Variants in GRHPR observed in about 807,000 individuals in gnomAD.
The protein encoded by GRHPR is glyoxylate and hydroxypyruvate reductase, also known as glyoxylate reductase/hydroxypyruvate reductase.
A neutral mutation model predicts 36.8 loss-of-function variants in GRHPR; 35 were observed. The ratio of observed to expected loss-of-function variants is 0.95; its 90% confidence interval spans 0.73 to 1.26. The LOEUF is 1.26. Ranked by LOEUF, GRHPR falls within the 50% of genes most tolerant of loss-of-function variation. GRHPR has a pLI of 0.00. For synonymous variants in GRHPR, 179 were observed against 181.0 expected (o/e 0.99, Z 0.09); for missense variants, 380 against 435.0 (o/e 0.87, Z 1.12).
At chr9:37,432,585 G>A (rs928809049) in intron 8 of GRHPR, 56 of 229,376 alleles carry the variant, frequency 2.4e-4, no homozygotes, top group African/African-American at 1.2e-3. Context: ...GGCTGAGGCA[G>A]AAGAATCGCT....
At position 37,428,467 on chromosome 9, in the gene GRHPR, CCTCT is replaced by C; in HGVS notation, c.405-11_405-8del. The C allele has an allele frequency of 6.4e-7, 1 of 1,561,090 alleles. No homozygotes were observed. ...TCCAAGGCTGGGCCTCTCACCTGCC[CCTCT>C]CTCTCCCCTCAGTGGTGGCTGGACC... On this transcript the variant is annotated splice_polypyrimidine_tract_variant and intron_variant, in intron 4 of 8. Coordinates refer to ENST00000318158, the MANE Select transcript of GRHPR (RefSeq NM_012203.2).
intron 3 of GRHPR, 107 bp downstream of exon 3, chr9:37,426,101 GA>G: frequency 2.5e-6 from 2 of 797,794 alleles, no homozygotes; most frequent in South Asian, 2.8e-5. Flanking sequence ...CATTCAGGGA[GA>G]ATGTGAGGTG....
chr9:37,426,029 GA>G (rs2118863433), intron 3 of GRHPR, 35 bp downstream of exon 3: 1 of 1,377,084 alleles, frequency 7.3e-7, no homozygotes, highest in African/African-American at 1.4e-5. Context: ...GGGGCCTAGA[GA>G]GAGGGGTGGC....
rs1823698386 is a variant in GRHPR, at chr9:37,436,953, A to AAAG, written c.*172_*174dup. ...ATTGGTGTTGGACACATTTGCGCCAAAAGTATGGTAATTCTATTATTAAAT... is the reference window on the plus strand; with the variant it reads ...ATTGGTGTTGGACACATTTGCGCCAAAAGAAGTATGGTAATTCTATTATTAAAT... On this transcript the variant is annotated 3_prime_UTR_variant, in exon 9 of 9. Coordinates refer to ENST00000318158, the MANE Select transcript of GRHPR (RefSeq NM_012203.2). The AAAG allele has an allele frequency of 2.9e-6, 2 of 682,612 alleles. No homozygotes were observed. The highest frequency in any genetic ancestry group is 5.2e-6 in the Non-Finnish European group (2 of 387,824). The allele number at this position is 682,612 out of a possible 1,614,324, so 42.3% of individuals were successfully genotyped here.
chr9:37,433,155 A>C (rs112684475), intron 8 of GRHPR, among the ~76,000 whole-genome samples: 7,440 of 152,178 alleles, frequency 0.049, 579 homozygotes, highest in African/African-American at 0.17. Flanking sequence ...GTGCCACCGA[A>C]GTCTGAGTTG....
Position 37,430,533 on chromosome 9 carries a change from C to T in GRHPR, c.621C>T (p.Ala207=), listed in dbSNP as rs1368322003. Residue 207 remains alanine, a synonymous_variant, in exon 7 of 9, where the codon GCC becomes GCT. Transcript: ENST00000318158. ...CAGTGTCTACCCCTGAGCTGGCTGC[C>T]CAATCTGATTTCATCGTCGTGGCCT... ...AEFVSTPELA[A]QSDFIVVACS... 3 of 1,613,736 alleles carry T rather than the reference C, an allele frequency of 1.9e-6. No individual in the cohort carries two copies. The highest frequency in any genetic ancestry group is 1.1e-5 in the South Asian group (1 of 91,074).
rs59696054 is a variant in GRHPR, at chr9:37,426,129, G to C, written c.287+135G>C. ...TGTGAGGTGGCTGATGATAGAATCT[G>C]TCCACATGTGCACAGGTCAGTTACA... is the stretch of plus-strand genomic sequence containing the variant. On this transcript the variant is annotated intron_variant, in intron 3 of 8. Coordinates refer to ENST00000318158, the MANE Select transcript of GRHPR (RefSeq NM_012203.2). 5.4e-3 allele frequency: 3,863 copies of C among 712,052 alleles called. 106 individuals are homozygous for C. In the African/African-American group the frequency reaches 0.056, roughly 10 times the overall value. 44.1% of individuals were successfully genotyped at this position (712,052 alleles called of 1,614,324 possible).
chr9:37,431,970 G>T (rs368088674), intron 7 of GRHPR, 38 bp from the exon 8 acceptor site: 1 of 1,612,528 alleles, frequency 6.2e-7, no homozygotes. Flanking sequence ...TGGGCGGAGG[G>T]ATCTTCGGGG....
rs918743808 is a variant in GRHPR at position 37,427,840 on chromosome 9, A to G, written c.405-644A>G. ...GCGACACAGCAAGACCCTGTCTCCA[A>G]AAAAAAAAAAAAAAAAAGTTGGGGG... On this transcript the variant is annotated intron_variant, in intron 4 of 8. Transcript: ENST00000318158. 1.2e-4 allele frequency: 17 copies of G among 146,976 alleles called. 1 individual carries two copies. Among genetic ancestry groups the G allele is most frequent in the Non-Finnish European group, 2.3e-4 (15 of 66,280 alleles). 9.1% of individuals were successfully genotyped at this position (146,976 alleles called of 1,614,324 possible). A position where few individuals can be genotyped will look rare whatever the true frequency, so the allele number is the denominator to read the frequency against.
chr9:37,428,218 C>A, intron 4 of GRHPR: 1 of 566,496 alleles, frequency 1.8e-6, no homozygotes, highest in South Asian at 2.1e-5. Context: ...GTCACCCTTT[C>A]TGGTTTGTTT....
intron 7 of GRHPR, 78 bp downstream of exon 7, chr9:37,430,724 G>C (rs571317718): frequency 1.1e-5 from 16 of 1,400,770 alleles, no homozygotes; most frequent in Non-Finnish European, 1.6e-5. Context: ...TTTCTTCCCC[G>C]TGGGTTGTTG....
At chr9:37,433,972 T>G (rs1823506832) in intron 8 of GRHPR, 1 of 364,810 alleles carries the variant, frequency 2.7e-6, no homozygotes. Context: ...CACCCCAGCC[T>G]GCAAGGAGCA....
chr9:37,439,115 TAAACTGACTTCATGAGTTCTAGGG>T (rs1204143152), downstream of GRHPR: 2 of 152,264 alleles, frequency 1.3e-5, no homozygotes, highest in African/African-American at 4.8e-5. Flanking sequence ...ATGCATGAAT[TAAACTGACTTCATGAGTTCTAGGG>T]AGACGCATTA....
At position 37,430,642 on chromosome 9, in the gene GRHPR, A is replaced by G. The variant is rs753719446; in HGVS notation, c.730A>G (p.Ser244Gly). ...MKETAVFINI[S>G]RGDVVNQDDL... is the part of the protein sequence containing the mutation. ...GGAAACAGCTGTGTTCATCAACATC[A>G]GCAGGTATCCTAGGGCCACCTTACC... is the stretch of plus-strand genomic sequence containing the variant. Residue 244 changes from serine to glycine, a missense_variant, in exon 7 of 9, where the codon AGC (serine) becomes GGC (glycine). Transcript: ENST00000318158. 2.5e-6 allele frequency: 4 copies of G among 1,613,626 alleles called. No homozygotes were observed. The African/African-American group carries it at 5.3e-5, about 22-fold the overall frequency.
At chr9:37,431,827 C>T (rs1423292421) in intron 7 of GRHPR, 181 bp from the exon 8 acceptor site, 15 of 596,276 alleles carry the variant, frequency 2.5e-5, no homozygotes, top group Non-Finnish European at 3.9e-5. Flanking sequence ...TAGAAGGAGG[C>T]AGGGCTGGAG....
chr9:37,426,289 G>A (rs911737164), intron 3 of GRHPR: 2 of 602,020 alleles, frequency 3.3e-6, no homozygotes, highest in Non-Finnish European at 5.9e-6. Context: ...TTTCAGATGA[G>A]GAAATTCAGA....
rs979727637 is a variant in GRHPR at position 37,422,763 on chromosome 9, C to A, written c.13C>A (p.Arg5=). 3.1e-6 allele frequency: 5 copies of A among 1,590,088 alleles called. No individual in the cohort carries two copies. In the African/African-American group the frequency reaches 6.7e-5, roughly 21 times the overall value. Residue 5 remains arginine, a synonymous_variant, in exon 1 of 9, where the codon CGA becomes AGA. Coordinates refer to ENST00000318158, the MANE Select transcript of GRHPR (RefSeq NM_012203.2). ...GGCTGCACTGCGGATGAGACCGGTG[C>A]GACTCATGAAGGTGTTCGTCACCCG... MRPV[R]LMKVFVTRRI...
chr9:37,431,925 T>C (rs898451608), intron 7 of GRHPR, 83 bp from the exon 8 acceptor site: 21 of 1,482,938 alleles, frequency 1.4e-5, no homozygotes, highest in Non-Finnish European at 2.0e-5. Flanking sequence ...AGTGGAAAAA[T>C]TCATTCTGTA....
intron 1 of GRHPR, among the ~76,000 whole-genome samples, chr9:37,423,268 A>G (rs1185706633): frequency 8.0e-5 from 12 of 150,518 alleles, no homozygotes; most frequent in Admixed American, 6.6e-4. Context: ...CTTGGGCCCA[A>G]TCAGTTCTCC....
Sources: gnomAD v4.1 joint callset for allele counts (sites outside exome capture counted in the v4.1 genomes callset) on GRCh38, gnomAD v4.1.1 for gene constraint, MANE v1.5 for transcripts, NCBI Gene and HGNC (gene_info 2026-07-23, HGNC 2026-07-21) for gene names.